ISM1: variants seen among roughly 807,000 people sequenced by gnomAD.
ISM1 encodes the protein isthmin 1.
ISM1 carries 25 observed loss-of-function variants against 46.3 expected under a neutral mutation model. The observed-to-expected ratio is 0.54, with a 90% confidence interval of 0.39 to 0.75. The LOEUF is 0.75. ISM1 is among the 30% of genes least tolerant of loss of function. The pLI is 0.00. For synonymous variants in ISM1, 255 were observed against 256.7 expected (o/e 0.99, Z 0.06); for missense variants, 536 against 625.4 (o/e 0.86, Z 1.52).
chr20:13,319,040 T>G, the ISM1 span, among the ~76,000 whole-genome samples: 1 of 152,292 alleles, frequency 6.6e-6, no homozygotes, highest in East Asian at 1.9e-4. Context: ...GATGTGTCAA[T>G]GTAGGTTCAT....
intron 1 of ISM1, among the ~76,000 whole-genome samples, chr20:13,236,425 A>G (rs1416760362): frequency 6.6e-6 from 1 of 152,118 alleles, no homozygotes; most frequent in Non-Finnish European, 1.5e-5. Context: ...GGGAGAAACA[A>G]TTCGGTTGAG....
intron 4 of ISM1, among the ~76,000 whole-genome samples, chr20:13,291,255 G>A (rs2040350069): frequency 6.6e-6 from 1 of 152,144 alleles, no homozygotes. Context: ...CTGCCTCTCA[G>A]TTCCTGGCTA....
intron 3 of ISM1, among the ~76,000 whole-genome samples, chr20:13,285,918 C>A (rs1200736646): frequency 1.3e-5 from 2 of 152,094 alleles, no homozygotes; most frequent in Non-Finnish European, 2.9e-5. Flanking sequence ...AATGGAGAGG[C>A]CAGGCTGCAT....
chr20:13,276,570 TG>T (rs1247573490), intron 2 of ISM1, among the ~76,000 whole-genome samples: 3 of 152,284 alleles, frequency 2.0e-5, no homozygotes, highest in African/African-American at 7.2e-5. Flanking sequence ...CATCATGACT[TG>T]AGTGTGAAAA....
intron 3 of ISM1, among the ~76,000 whole-genome samples, chr20:13,280,366 G>A (rs1470548972): frequency 1.1e-5 from 1 of 90,462 alleles, no homozygotes; most frequent in Admixed American, 1.1e-4. Flanking sequence ...CCACATGAAC[G>A]TGTGTGTCTC....
chr20:13,276,859 TGAAACCTCAG>T (rs1240925030), intron 2 of ISM1, among the ~76,000 whole-genome samples: 6 of 152,248 alleles, frequency 3.9e-5, no homozygotes, highest in Non-Finnish European at 7.3e-5. Flanking sequence ...TGGATGCCTA[TGAAACCTCAG>T]GCTCAAGATT....
chr20:13,299,151 C>T lies in ISM1; in HGVS notation c.1087C>T (p.Pro363Ser). Residue 363 changes from proline (P) to serine (S), a missense_variant, in exon 6 of 6, where the codon CCC (proline) becomes TCC (serine). By Grantham distance (74) the Pro-to-Ser change is moderately conservative. Transcript: ENST00000262487. The surrounding 1 kb of genome is among the most constrained non-coding windows in gnomAD (Gnocchi z 5.8). ...CAAGGAGAAGCTGGAGATCTACAAG[C>T]CCACTGCCCGGTACTGCATCCGCTC... ...GPKEKLEIYK[P>S]TARYCIRSML... is the part of the protein sequence containing the mutation. The T allele has an allele frequency of 6.2e-7, 1 of 1,612,010 alleles. No individual in the cohort carries two copies. Among genetic ancestry groups the T allele is most frequent in the Non-Finnish European group, 8.5e-7 (1 of 1,179,192 alleles).
intron 2 of ISM1, among the ~76,000 whole-genome samples, chr20:13,272,672 G>A (rs2040129435): frequency 6.6e-6 from 1 of 152,170 alleles, no homozygotes; most frequent in African/African-American, 2.4e-5. Flanking sequence ...TGTTTTAATT[G>A]ATAAATTGGA....
chr20:13,323,311 A>C, the ISM1 span, among the ~76,000 whole-genome samples: 1 of 152,228 alleles, frequency 6.6e-6, no homozygotes, highest in Non-Finnish European at 1.5e-5. Flanking sequence ...AAGGGAGGTC[A>C]CTTACTGGAA....
intron 3 of ISM1, among the ~76,000 whole-genome samples, chr20:13,282,729 T>C (rs1322442723): frequency 1.3e-5 from 2 of 152,246 alleles, no homozygotes; most frequent in Non-Finnish European, 2.9e-5. Context: ...TTCTGTGCAG[T>C]ACCTCTAAAG....
At chr20:13,309,997 C>CA in the ISM1 span, among the ~76,000 whole-genome samples, 3 of 152,042 alleles carry the variant, frequency 2.0e-5, no homozygotes, top group African/African-American at 4.8e-5. Context: ...ATTTATATCA[C>CA]AAAAATGTCC....
chr20:13,285,527 A>G (rs188866320), intron 3 of ISM1, among the ~76,000 whole-genome samples: 163 of 152,228 alleles, frequency 1.1e-3, no homozygotes, highest in African/African-American at 3.8e-3. Context: ...CCCCTCCAGG[A>G]GGCTAGCCTA....
chr20:13,318,265 C>T, the ISM1 span, among the ~76,000 whole-genome samples: 2 of 151,996 alleles, frequency 1.3e-5, no homozygotes, highest in Non-Finnish European at 2.9e-5. Context: ...CAGGGAAATG[C>T]AAATTAACAC....
chr20:13,237,504 A>T (rs1343270070), intron 1 of ISM1, among the ~76,000 whole-genome samples: 4 of 152,198 alleles, frequency 2.6e-5, no homozygotes, highest in Admixed American at 2.6e-4. Flanking sequence ...GTAAAGTTCA[A>T]AACCAGGAAA....
At chr20:13,226,374 A>T (rs1308326241) in intron 1 of ISM1, among the ~76,000 whole-genome samples, 1 of 152,056 alleles carries the variant, frequency 6.6e-6, no homozygotes, top group Non-Finnish European at 1.5e-5. Flanking sequence ...TTTGTGACTT[A>T]CCTGCTCGTT....
chr20:13,234,266 C>A (rs2039622981), intron 1 of ISM1, among the ~76,000 whole-genome samples: 1 of 152,168 alleles, frequency 6.6e-6, no homozygotes, highest in Admixed American at 6.5e-5. Context: ...CCTCCGGTAC[C>A]AGCCATGTTG....
chr20:13,279,725 A>C lies in ISM1; in HGVS notation c.470A>C (p.Asp157Ala), dbSNP rs779650092. ...CCCAGCTGGTCAGTCCCATCCCCCG[A>C]CTGGCGGGCCTGGTGGCAGAGGTCC... ...NKPSWSVPSP[D>A]WRAWWQRSLS... Residue 157 changes from aspartate to alanine, a missense_variant, in exon 3 of 6, where the codon GAC (aspartate) becomes GCC (alanine). This residue lies in a region of ISM1 where 367 missense variants were observed against 376.1 expected (regional missense o/e 0.98). Coordinates refer to ENST00000262487, the MANE Select transcript of ISM1 (RefSeq NM_080826.2). The C allele has an allele frequency of 5.0e-6, 8 of 1,613,990 alleles. No homozygotes were observed. In the East Asian group the frequency reaches 6.7e-5, roughly 13 times the overall value.
intron 1 of ISM1, chr20:13,238,959 C>T (rs960156524): frequency 2.0e-5 from 3 of 152,256 alleles, no homozygotes; most frequent in Non-Finnish European, 4.4e-5. Flanking sequence ...GCTCCCCTCA[C>T]TGGTACATTC....
At chr20:13,232,388 A>G (rs766241880) in intron 1 of ISM1, among the ~76,000 whole-genome samples, 2 of 152,208 alleles carry the variant, frequency 1.3e-5, no homozygotes, top group Non-Finnish European at 2.9e-5. Flanking sequence ...ACTTTTATAT[A>G]AGTGGAATAC....
Sources: allele counts gnomAD v4.1 joint callset (sites outside exome capture counted in the v4.1 genomes callset), GRCh38; gene constraint gnomAD v4.1.1; regional missense constraint gnomAD v4.1.1; non-coding constraint Gnocchi (gnomAD v3.1); transcripts MANE v1.5; gene names NCBI Gene and HGNC (gene_info 2026-07-23, HGNC 2026-07-21).